C11orf65: variants seen among roughly 807,000 people sequenced by gnomAD.
C11orf65 encodes the protein chromosome 11 open reading frame 65, also known as protein MFI.
Under a neutral mutation model 35.3 loss-of-function variants are expected in C11orf65, and 38 were observed. The observed-to-expected ratio is 1.08, with a 90% CI of 0.83 to 1.41. C11orf65 has a LOEUF of 1.41. C11orf65 is among the 40% of genes most tolerant of loss of function. C11orf65 has a pLI of 0.00. For missense variants in C11orf65, 370 were observed against 367.1 expected (o/e 1.01, Z -0.06); for synonymous variants, 105 against 114.4 (o/e 0.92, Z 0.53).
At chr11:108,330,262 G>C (rs2086116800), downstream of C11orf65, 1 of 1,614,164 alleles carries the variant, frequency 6.2e-7, no homozygotes, top group Non-Finnish European at 8.5e-7. Flanking sequence ...AATTAGCCCT[G>C]CGTGCACTGA....
chr11:108,427,980 G>A (rs1260170175), intron 3 of C11orf65, among the ~76,000 whole-genome samples: 8 of 138,162 alleles, frequency 5.8e-5, no homozygotes, highest in South Asian at 2.5e-4. Context: ...ACAGGCGCCC[G>A]CCACTACGAC....
intron 2 of C11orf65, chr11:108,336,282 C>G (rs951085015): frequency 1.1e-5 from 3 of 261,004 alleles, no homozygotes; most frequent in African/African-American, 2.3e-5. Context: ...CCAGTCCAGC[C>G]TGAGCAACAC....
intron 2 of C11orf65, among the ~76,000 whole-genome samples, chr11:108,452,322 C>T (rs1018895282): frequency 9.2e-5 from 14 of 152,220 alleles, no homozygotes; most frequent in African/African-American, 3.4e-4. Context: ...AAAAATCAAA[C>T]CACCCCATCA....
intron 2 of C11orf65, chr11:108,366,632 C>G (rs1280019634): frequency 4.3e-6 from 1 of 230,896 alleles, no homozygotes; most frequent in African/African-American, 2.2e-5. Context: ...TGCACACAAG[C>G]CCATTCTTAT....
intron 2 of C11orf65, among the ~76,000 whole-genome samples, chr11:108,449,731 G>T (rs912455763): frequency 6.6e-6 from 1 of 151,932 alleles, no homozygotes; most frequent in African/African-American, 2.4e-5. Context: ...CATAGGCAAG[G>T]ACTTCATGTC....
At chr11:108,313,469 T>TC (rs1466769627) in intron 6 of C11orf65, among the ~76,000 whole-genome samples, 1 of 152,218 alleles carries the variant, frequency 6.6e-6, no homozygotes, top group Non-Finnish European at 1.5e-5. Flanking sequence ...CTCATAAACT[T>TC]CATGTTGCTA....
chr11:108,396,348 C>T (rs894549849), intron 6 of C11orf65, among the ~76,000 whole-genome samples: 3 of 152,006 alleles, frequency 2.0e-5, no homozygotes, highest in Non-Finnish European at 4.4e-5. Flanking sequence ...CCGCCTCCAC[C>T]TCCCAAAGTG....
At chr11:108,326,841 T>A (rs953796380), downstream of C11orf65, among the ~76,000 whole-genome samples, 4 of 152,268 alleles carry the variant, frequency 2.6e-5, no homozygotes, top group African/African-American at 7.2e-5. Context: ...TTATTTATTT[T>A]TTGAGACGGA....
At position 108,450,683 on chromosome 11, in the gene C11orf65, G is replaced by C. The variant is rs375275869; in HGVS notation, c.81+10796C>G. Among the ~76,000 whole-genome samples the C allele has an allele frequency of 1.1e-4, 16 of 149,734 alleles. No individual in the cohort carries two copies. The East Asian group carries it at 2.4e-3, about 22-fold the overall frequency. On this transcript the variant is annotated intron_variant, in intron 2 of 8. Coordinates refer to ENST00000393084, the MANE Select transcript of C11orf65 (RefSeq NM_152587.5). ...AGATATACCTAATGCTAAATGATGAGTTAATGGGTGCAGTACACCAACACG... is the reference window on the plus strand; with the variant it reads ...AGATATACCTAATGCTAAATGATGACTTAATGGGTGCAGTACACCAACACG...
intron 6 of C11orf65, among the ~76,000 whole-genome samples, chr11:108,395,373 G>A (rs1162871995): frequency 1.3e-5 from 2 of 150,858 alleles, no homozygotes; most frequent in African/African-American, 4.9e-5. Flanking sequence ...CTCCCAGGCT[G>A]GAGTGCAGTG....
At chr11:108,364,990 C>G (rs2137855840) in intron 2 of C11orf65, 1 of 1,452,660 alleles carries the variant, frequency 6.9e-7, no homozygotes. Flanking sequence ...TACCATGTGA[C>G]TGGCTTATTT....
chr11:108,330,042 T>C (rs541502982), downstream of C11orf65, among the ~76,000 whole-genome samples: 1 of 152,376 alleles, frequency 6.6e-6, no homozygotes, highest in South Asian at 2.1e-4. Flanking sequence ...GGTGTGTGAA[T>C]TGCACAGTTA....
chr11:108,451,680 A>G (rs1158506149), intron 2 of C11orf65, among the ~76,000 whole-genome samples: 2 of 152,234 alleles, frequency 1.3e-5, no homozygotes, highest in African/African-American at 4.8e-5. Flanking sequence ...GGAACCAAAA[A>G]AGAGCCTGCA....
At position 108,334,986 on chromosome 11, in the gene C11orf65, A is replaced by C. The variant is rs1389648050; in HGVS notation, c.299+234T>G. On this transcript the variant is annotated intron_variant, in intron 3 of 3. Transcript: ENST00000524755. ...TTTATTAGGTGGACCACACAGGAGA[A>C]TATGGAAATCTGGTGACTATACAGT... is the stretch of plus-strand genomic sequence containing the variant. 3 of 1,613,556 alleles carry C rather than the reference A, an allele frequency of 1.9e-6. No homozygotes were observed. The South Asian group carries it at 3.3e-5, about 18-fold the overall frequency.
At chr11:108,312,658 G>A (rs1035658754) in intron 6 of C11orf65, among the ~76,000 whole-genome samples, 59 of 145,334 alleles carry the variant, frequency 4.1e-4, no homozygotes, top group Admixed American at 2.2e-3. Flanking sequence ...TTAAGCCTTA[G>A]AGTAGACAGA....
intron 2 of C11orf65, among the ~76,000 whole-genome samples, chr11:108,375,218 T>A (rs2091690032): frequency 6.6e-6 from 1 of 151,338 alleles, no homozygotes; most frequent in African/African-American, 2.4e-5. Context: ...AAGGAAAAAA[T>A]GTTAAGGGCA....
At chr11:108,461,004 C>T (rs539941734) in intron 2 of C11orf65, among the ~76,000 whole-genome samples, 3 of 151,872 alleles carry the variant, frequency 2.0e-5, no homozygotes, top group South Asian at 4.2e-4. Flanking sequence ...GGATTACAGT[C>T]GTGAGCCACC....
chr11:108,317,650 T>TACACACACAC (rs1261995220), intron 6 of C11orf65: 4 of 130,252 alleles, frequency 3.1e-5, no homozygotes, highest in African/African-American at 1.8e-4. Flanking sequence ...TATATATATA[T>TACACACACAC]ATACACACAC....
Position 108,434,171 on chromosome 11 carries a change from T to C in C11orf65, c.82-2333A>G, listed in dbSNP as rs184157668. 3.6e-4 allele frequency among the ~76,000 whole-genome samples: 55 copies of C among 152,266 alleles called. 1 individual carries two copies. Among genetic ancestry groups the C allele is most frequent in the Admixed American group, 1.7e-3 (26 of 15,294 alleles). Reference sequence around the variant, plus strand: ...CTTTCCCCCTAGCCACTGCTATCCTTGCACTATGTGCTCATGAACAAAGTG... The same window carrying C: ...CTTTCCCCCTAGCCACTGCTATCCTCGCACTATGTGCTCATGAACAAAGTG... On this transcript the variant is annotated intron_variant, in intron 2 of 8. Coordinates refer to ENST00000393084, the MANE Select transcript of C11orf65 (RefSeq NM_152587.5).
Sources: gnomAD v4.1 joint callset for allele counts (sites outside exome capture counted in the v4.1 genomes callset) on GRCh38, gnomAD v4.1.1 for gene constraint, MANE v1.5 for transcripts, NCBI Gene and HGNC (gene_info 2026-07-23, HGNC 2026-07-21) for gene names.